ATRNL1: variants seen among roughly 807,000 people sequenced by gnomAD.
The protein encoded by ATRNL1 is attractin-like protein 1.
In ATRNL1, 95 loss-of-function variants were observed where a neutral mutation model predicts 182.7. The ratio of observed to expected loss-of-function variants is 0.52; its 90% CI spans 0.44 to 0.62. ATRNL1 has a LOEUF of 0.62. ATRNL1 is among the 20% of genes least tolerant of loss of function. The pLI is 0.00. For missense variants in ATRNL1, 1,471 were observed against 1,679.5 expected (o/e 0.88, Z 2.17); for synonymous variants, 576 against 568.3 (o/e 1.01, Z -0.19).
chr10:115,512,190 T>C (rs1437832696), intron 24 of ATRNL1, among the ~76,000 whole-genome samples: 2 of 151,922 alleles, frequency 1.3e-5, no homozygotes, highest in Admixed American at 6.6e-5. Context: ...TAGAACATAA[T>C]AGATTTTACA....
chr10:115,628,562 C>A (rs1858263503), intron 26 of ATRNL1, among the ~76,000 whole-genome samples: 1 of 152,110 alleles, frequency 6.6e-6, no homozygotes, highest in East Asian at 1.9e-4. Flanking sequence ...ATTTAATGCA[C>A]AAAAGTTTTA....
chr10:115,321,024 T>A (rs995503717), intron 18 of ATRNL1, among the ~76,000 whole-genome samples: 20 of 152,308 alleles, frequency 1.3e-4, no homozygotes, highest in African/African-American at 4.8e-4. Flanking sequence ...TGTCTAGTTT[T>A]GAGTTTGAGT....
chr10:115,711,752 G>C (rs1181153860), intron 26 of ATRNL1, among the ~76,000 whole-genome samples: 1 of 152,066 alleles, frequency 6.6e-6, no homozygotes, highest in Non-Finnish European at 1.5e-5. Flanking sequence ...TCTGAAGCTG[G>C]AAATTTACCG....
intron 1 of ATRNL1, among the ~76,000 whole-genome samples, chr10:115,113,195 A>T (rs1412390406): frequency 6.6e-6 from 1 of 152,204 alleles, no homozygotes; most frequent in African/African-American, 2.4e-5. Context: ...CTGGATGGCC[A>T]AAATATAACA....
intron 19 of ATRNL1, among the ~76,000 whole-genome samples, chr10:115,380,588 G>A (rs2134229976): frequency 6.6e-6 from 1 of 152,020 alleles, no homozygotes; most frequent in Admixed American, 6.6e-5. Context: ...ATTTCTATAG[G>A]TTTTATTCTT....
intron 9 of ATRNL1, among the ~76,000 whole-genome samples, chr10:115,235,272 C>A (rs184054138): frequency 6.6e-6 from 1 of 152,164 alleles, no homozygotes; most frequent in African/African-American, 2.4e-5. Flanking sequence ...TAATTTTGAT[C>A]ATTTAAAACA....
Position 115,477,519 on chromosome 10 carries a change from CCTGT to C in ATRNL1, c.3654+8193_3654+8196del, listed in dbSNP as rs782342362. On this transcript the variant is annotated intron_variant, in intron 24 of 28. Coordinates refer to ENST00000355044, the MANE Select transcript of ATRNL1 (RefSeq NM_207303.4). ...GAGTCCAACTGGCAAATTTAGGACA[CCTGT>C]CTAACTTCCTCCTGACCCATAATGG... Among the ~76,000 whole-genome samples, 5 of 151,578 alleles carry C rather than the reference CCTGT, an allele frequency of 3.3e-5. No individual in the cohort carries two copies. The East Asian group carries it at 9.8e-4, about 30-fold the overall frequency.
intron 3 of ATRNL1, among the ~76,000 whole-genome samples, chr10:115,125,602 A>G (rs1158626379): frequency 6.6e-6 from 1 of 152,096 alleles, no homozygotes; most frequent in Non-Finnish European, 1.5e-5. Flanking sequence ...ATATTCTTGC[A>G]GAGACTACCT....
chr10:115,570,195 C>G (rs1357382119), intron 26 of ATRNL1, among the ~76,000 whole-genome samples: 1 of 152,170 alleles, frequency 6.6e-6, no homozygotes, highest in Non-Finnish European at 1.5e-5. Context: ...AACTCCTGAC[C>G]TTGTGCTCCA....
At chr10:115,188,664 A>AT (rs1175803646) in intron 8 of ATRNL1, among the ~76,000 whole-genome samples, 35 of 152,146 alleles carry the variant, frequency 2.3e-4, no homozygotes, top group African/African-American at 8.2e-4. Context: ...AAATCATTAG[A>AT]TTTTTTCAGA....
At chr10:115,607,252 T>C (rs1410082700) in intron 26 of ATRNL1, among the ~76,000 whole-genome samples, 1 of 151,944 alleles carries the variant, frequency 6.6e-6, no homozygotes, top group Admixed American at 6.6e-5. Context: ...TTTCAATTCA[T>C]CTTTTAAAAT....
chr10:115,385,434 T>C (rs1858282143), intron 19 of ATRNL1, among the ~76,000 whole-genome samples: 1 of 152,128 alleles, frequency 6.6e-6, no homozygotes, highest in Admixed American at 6.5e-5. Flanking sequence ...TGTTAAATTT[T>C]AAGAAGTCTT....
At chr10:115,742,486 A>T (rs1447919590) in intron 27 of ATRNL1, among the ~76,000 whole-genome samples, 1 of 152,158 alleles carries the variant, frequency 6.6e-6, no homozygotes, top group Non-Finnish European at 1.5e-5. Context: ...AGTGAACTTG[A>T]TGTACAAGGT....
intron 13 of ATRNL1, among the ~76,000 whole-genome samples, chr10:115,273,159 C>T (rs939451608): frequency 2.0e-5 from 3 of 152,072 alleles, no homozygotes; most frequent in Non-Finnish European, 4.4e-5. Flanking sequence ...GTGGTCATAG[C>T]CAGGTTGGCC....
intron 25 of ATRNL1, among the ~76,000 whole-genome samples, chr10:115,523,355 T>C (rs1851051334): frequency 6.6e-6 from 1 of 152,206 alleles, no homozygotes; most frequent in African/African-American, 2.4e-5. Flanking sequence ...TTTCCCCCAT[T>C]GTCTTTACTA....
intron 21 of ATRNL1, among the ~76,000 whole-genome samples, chr10:115,441,465 C>T (rs77642940): frequency 1.3e-5 from 2 of 151,836 alleles, no homozygotes; most frequent in African/African-American, 4.8e-5. Flanking sequence ...CTTGACTTTC[C>T]TATCATACTT....
At chr10:115,513,547 T>C (rs1592766379) in intron 24 of ATRNL1, among the ~76,000 whole-genome samples, 1 of 152,146 alleles carries the variant, frequency 6.6e-6, no homozygotes, top group East Asian at 1.9e-4. Flanking sequence ...TAATAGATAC[T>C]TAGTGATTTA....
intron 4 of ATRNL1, among the ~76,000 whole-genome samples, chr10:115,129,119 GA>G (rs1275340877): frequency 6.6e-6 from 1 of 152,028 alleles, no homozygotes; most frequent in Non-Finnish European, 1.5e-5. Context: ...TAAATCTGTT[GA>G]ATAAAATAAG....
At position 115,588,679 on chromosome 10, in the gene ATRNL1, G is replaced by C. The variant is rs149468537; in HGVS notation, c.3795+39143G>C. Among the ~76,000 whole-genome samples, 5 of 152,276 alleles carry C rather than the reference G, an allele frequency of 3.3e-5. No individual in the cohort carries two copies. In the East Asian group the frequency reaches 9.7e-4, roughly 29 times the overall value. ...GTCCCCAGGTAGGGTTTGTGTGTGAGTGTGTCCCAGATTTTCCTACCCGTG... is the reference window on the plus strand; with the variant it reads ...GTCCCCAGGTAGGGTTTGTGTGTGACTGTGTCCCAGATTTTCCTACCCGTG... On this transcript the variant is annotated intron_variant, in intron 26 of 28. Transcript: ENST00000355044.
Sources: allele counts gnomAD v4.1 joint callset (sites outside exome capture counted in the v4.1 genomes callset), GRCh38; gene constraint gnomAD v4.1.1; transcripts MANE v1.5; gene names NCBI Gene and HGNC (gene_info 2026-07-23, HGNC 2026-07-21).